The following MAPKAP1 variants were observed in gnomAD, a reference collection of about 807,000 sequenced individuals.
MAPKAP1 encodes the protein target of rapamycin complex 2 subunit MAPKAP1.
A neutral mutation model predicts 65.7 loss-of-function variants in MAPKAP1; 20 were observed. The observed-to-expected ratio is 0.30, with a 90% confidence interval of 0.21 to 0.44. The LOEUF (loss-of-function observed/expected upper bound fraction) is 0.44, where lower values mean the gene tolerates loss of function less well. MAPKAP1 is among the 20% of genes least tolerant of loss of function. MAPKAP1 has a pLI of 1.00. For missense variants in MAPKAP1, 423 were observed against 648.0 expected (o/e 0.65, Z 3.77); for synonymous variants, 222 against 244.3 (o/e 0.91, Z 0.85).
At chr9:125,560,980 C>T (rs993032970) in intron 5 of MAPKAP1, among the ~76,000 whole-genome samples, 5 of 152,164 alleles carry the variant, frequency 3.3e-5, no homozygotes, top group Non-Finnish European at 7.3e-5. Flanking sequence ...TGCTCCAAAC[C>T]GCAAACCTGC....
chr9:125,490,463 C>T (rs571636155), intron 8 of MAPKAP1, among the ~76,000 whole-genome samples: 3 of 152,088 alleles, frequency 2.0e-5, no homozygotes, highest in Admixed American at 6.5e-5. Context: ...CGCTTACACC[C>T]GGGAGGCAGA....
chr9:125,581,870 T>C (rs1238352556), intron 5 of MAPKAP1, among the ~76,000 whole-genome samples: 1 of 152,202 alleles, frequency 6.6e-6, no homozygotes, highest in Non-Finnish European at 1.5e-5. Context: ...TCTTCCGCCA[T>C]TTAATTTGCA....
chr9:125,599,322 T>C (rs1033379160), intron 4 of MAPKAP1, among the ~76,000 whole-genome samples: 5 of 152,188 alleles, frequency 3.3e-5, no homozygotes, highest in African/African-American at 1.2e-4. Context: ...CTTCAGTCTT[T>C]GGCAAACAGT....
chr9:125,528,489 C>T (rs1829837103), intron 7 of MAPKAP1, among the ~76,000 whole-genome samples: 1 of 152,206 alleles, frequency 6.6e-6, no homozygotes, highest in Admixed American at 6.5e-5. Context: ...GCCTGGGAGC[C>T]AGAGAGACTC....
chr9:125,612,789 C>G (rs1832640434), intron 4 of MAPKAP1, among the ~76,000 whole-genome samples: 1 of 152,168 alleles, frequency 6.6e-6, no homozygotes. Context: ...CAAGGGACAT[C>G]AGGCAAGAAG....
At chr9:125,706,766 C>T (rs899358385) in intron 1 of MAPKAP1, among the ~76,000 whole-genome samples, 1 of 152,086 alleles carries the variant, frequency 6.6e-6, no homozygotes, top group African/African-American at 2.4e-5. Flanking sequence ...CTTCTTTTCC[C>T]CTAAACCACA....
chr9:125,538,407 C>T (rs974046849), intron 7 of MAPKAP1, among the ~76,000 whole-genome samples: 1 of 152,062 alleles, frequency 6.6e-6, no homozygotes, highest in South Asian at 2.1e-4. Context: ...TGTGGGGAGG[C>T]AGTGCAGGAA....
chr9:125,449,171 A>C (rs920840224), intron 10 of MAPKAP1, among the ~76,000 whole-genome samples: 1 of 152,198 alleles, frequency 6.6e-6, no homozygotes, highest in Non-Finnish European at 1.5e-5. Flanking sequence ...GAAAAAAAGC[A>C]TAATTCCTGA....
intron 4 of MAPKAP1, among the ~76,000 whole-genome samples, chr9:125,619,280 T>C (rs1451764634): frequency 6.6e-6 from 1 of 152,122 alleles, no homozygotes; most frequent in Non-Finnish European, 1.5e-5. Context: ...ACAAGTACTA[T>C]GGTGGTGGCA....
chr9:125,586,693 T>C (rs115729718), intron 4 of MAPKAP1, among the ~76,000 whole-genome samples: 2 of 152,256 alleles, frequency 1.3e-5, no homozygotes, highest in East Asian at 3.9e-4. Flanking sequence ...CCGCCAACCT[T>C]CTGGCCATTC....
intron 10 of MAPKAP1, among the ~76,000 whole-genome samples, chr9:125,456,717 GC>G (rs933281134): frequency 2.6e-5 from 4 of 152,296 alleles, no homozygotes; most frequent in African/African-American, 9.6e-5. Context: ...AGTAAACTCT[GC>G]CAGCAACGAC....
chr9:125,582,376 G>C (rs1427990356), intron 5 of MAPKAP1, among the ~76,000 whole-genome samples: 1 of 152,110 alleles, frequency 6.6e-6, no homozygotes, highest in Admixed American at 6.5e-5. Context: ...ATTATTGTCT[G>C]TGTTTCTTGG....
At chr9:125,609,695 G>A (rs532530576) in intron 4 of MAPKAP1, among the ~76,000 whole-genome samples, 1 of 151,886 alleles carries the variant, frequency 6.6e-6, no homozygotes, top group Non-Finnish European at 1.5e-5. Context: ...TGCCTTTCTC[G>A]TTTTTCTCTT....
intron 8 of MAPKAP1, among the ~76,000 whole-genome samples, chr9:125,491,302 G>A (rs535926635): frequency 2.8e-4 from 43 of 151,954 alleles, no homozygotes; most frequent in African/African-American, 1.0e-3. Context: ...AAATTAGCTG[G>A]GTTTGGTGGC....
chr9:125,625,000 G>A (rs1833055333), intron 4 of MAPKAP1, among the ~76,000 whole-genome samples: 1 of 77,206 alleles, frequency 1.3e-5, no homozygotes. Context: ...TGGATTAAGG[G>A]CGGTGCAAGA....
In MAPKAP1 at chr9:125,651,642, C is replaced by G. The variant is rs966652242; in HGVS notation, c.498+6009G>C. On this transcript the variant is annotated intron_variant, in intron 4 of 11. Coordinates refer to ENST00000265960, the MANE Select transcript of MAPKAP1 (RefSeq NM_001006617.3). The stretch of plus-strand genomic sequence containing the variant: ...ACAAAACAAAAGTATGTAAATGAAG[C>G]CACTGAACAACTGAGACGAACAGCT... 1.5e-4 allele frequency among the ~76,000 whole-genome samples: 23 copies of G among 152,024 alleles called. 1 individual carries two copies. Among genetic ancestry groups the G allele is most frequent in the Admixed American group, 1.5e-3 (23 of 15,262 alleles).
In MAPKAP1 at chr9:125,484,550, G is replaced by A. The variant is rs1389464216; in HGVS notation, c.1100C>T (p.Ser367Leu). ...CTGTACTGTGGCTATGTCAATTTGC[G>A]AATCCTCCTCAAAAACCCCGTCTGC... Reference protein sequence around the residue: ...SRADGVFEEDSQIDIATVQDM... With the variant: ...SRADGVFEEDLQIDIATVQDM... The change falls in exon 9 of 12, where the codon TCG (serine) becomes TTG (leucine). Residue 367 changes from serine (S) to leucine (L), a missense_variant. By Grantham distance (145) the Ser-to-Leu change is moderately radical. Coordinates refer to ENST00000265960, the MANE Select transcript of MAPKAP1 (RefSeq NM_001006617.3). 4 of 1,610,978 alleles carry A rather than the reference G, an allele frequency of 2.5e-6. No individual in the cohort carries two copies. Among genetic ancestry groups the A allele is most frequent in the African/African-American group, 2.7e-5 (2 of 74,866 alleles).
intron 4 of MAPKAP1, among the ~76,000 whole-genome samples, chr9:125,656,922 A>T (rs1834048432): frequency 6.6e-6 from 1 of 152,126 alleles, no homozygotes; most frequent in African/African-American, 2.4e-5. Flanking sequence ...TCTAAAAGGA[A>T]AACAAACACA....
At chr9:125,568,456 A>G (rs1270497487) in intron 5 of MAPKAP1, among the ~76,000 whole-genome samples, 2 of 152,130 alleles carry the variant, frequency 1.3e-5, no homozygotes, top group East Asian at 3.9e-4. Flanking sequence ...GGCTGCATTG[A>G]GTGGGTCTTT....
Sources: allele counts gnomAD v4.1 joint callset (sites outside exome capture counted in the v4.1 genomes callset), GRCh38; gene constraint gnomAD v4.1.1; transcripts MANE v1.5; gene names NCBI Gene and HGNC (gene_info 2026-07-23, HGNC 2026-07-21).